Variants in PDE3A observed in about 807,000 individuals in gnomAD.
PDE3A encodes the protein phosphodiesterase 3A.
A neutral mutation model predicts 98.3 loss-of-function variants in PDE3A; 43 were observed. The ratio of observed to expected loss-of-function variants is 0.44; its 90% confidence interval spans 0.34 to 0.56. The LOEUF (loss-of-function observed/expected upper bound fraction) is 0.56. Among genes scored for constraint, PDE3A ranks in the 20% least tolerant of loss-of-function variants. PDE3A has a pLI of 0.01. For synonymous variants in PDE3A, 663 were observed against 567.9 expected (o/e 1.17, Z -2.38); for missense variants, 1,427 against 1,440.7 (o/e 0.99, Z 0.15).
intron 1 of PDE3A, among the ~76,000 whole-genome samples, chr12:20,494,027 A>G (rs1413885090): frequency 6.6e-6 from 1 of 152,222 alleles, no homozygotes; most frequent in African/African-American, 2.4e-5. Context: ...GACTATTTTC[A>G]GTATTTTACC....
rs116483424 is a variant in PDE3A at position 20,647,069 on chromosome 12, T to C, written c.2565+119T>C. 3,044 of 661,530 alleles carry C rather than the reference T, an allele frequency of 4.6e-3. 43 individuals are homozygous for C. Among genetic ancestry groups the C allele is most frequent in the African/African-American group, 0.037 (2,026 of 55,248 alleles). The allele number at this position is 661,530 out of a possible 1,614,324, so 41.0% of individuals were successfully genotyped here. On this transcript the variant is annotated intron_variant, in intron 12 of 15. Transcript: ENST00000359062. ...AAGCCAAACTATACATAGTCTTACG[T>C]TGAAATTCTCAGAGACCGTGCTAAT...
chr12:20,573,565 A>G (rs1942854611), intron 2 of PDE3A, among the ~76,000 whole-genome samples: 1 of 152,064 alleles, frequency 6.6e-6, no homozygotes, highest in African/African-American at 2.4e-5. Context: ...GGACAAACGC[A>G]AGAGGTAAGA....
At chr12:20,384,763 T>C (rs188624649) in intron 1 of PDE3A, among the ~76,000 whole-genome samples, 465 of 152,166 alleles carry the variant, frequency 3.1e-3, no homozygotes, top group African/African-American at 0.01. Flanking sequence ...CTCCCACTTA[T>C]AAGTGAAAAC....
chr12:20,579,463 C>G (rs1943015829), intron 2 of PDE3A, among the ~76,000 whole-genome samples: 1 of 152,098 alleles, frequency 6.6e-6, no homozygotes, highest in African/African-American at 2.4e-5. Context: ...TATACCTTGT[C>G]AAATACAGAT....
In PDE3A at chr12:20,639,975, G is replaced by T; in HGVS notation, c.2251+18G>T. On this transcript the variant is annotated intron_variant, in intron 10 of 15. Coordinates refer to ENST00000359062, the MANE Select transcript of PDE3A (RefSeq NM_000921.5). ...TATTCCTTGTAAGTATATGTGATTTGTGAAATAATACTTTTAAAATATGTC... is the reference window on the plus strand; with the variant it reads ...TATTCCTTGTAAGTATATGTGATTTTTGAAATAATACTTTTAAAATATGTC... 9.3e-7 allele frequency: 1 copy of T among 1,072,308 alleles called. No homozygotes were observed. The highest frequency in any genetic ancestry group is 1.4e-6 in the Non-Finnish European group (1 of 691,320). 66.4% of individuals were successfully genotyped at this position (1,072,308 alleles called of 1,614,324 possible). A position where few individuals can be genotyped will look rare whatever the true frequency, so the allele number is the denominator to read the frequency against.
At chr12:20,677,166 C>T (rs1945661970) in intron 15 of PDE3A, among the ~76,000 whole-genome samples, 1 of 152,014 alleles carries the variant, frequency 6.6e-6, no homozygotes. Context: ...TCAATGAATT[C>T]TTCATTCCAG....
intron 5 of PDE3A, among the ~76,000 whole-genome samples, chr12:20,627,190 CACAGTTT>C (rs1348512326): frequency 6.7e-6 from 1 of 149,550 alleles, no homozygotes. Context: ...TCCCAAAACT[CACAGTTT>C]ACTATGAGAA....
chr12:20,381,465 G>T (rs1530445), intron 1 of PDE3A, among the ~76,000 whole-genome samples: 3 of 151,540 alleles, frequency 2.0e-5, no homozygotes, highest in African/African-American at 4.8e-5. Flanking sequence ...AAACTAGAAC[G>T]CTTTATGATT....
intron 15 of PDE3A, among the ~76,000 whole-genome samples, chr12:20,659,821 C>T (rs572582071): frequency 6.6e-6 from 1 of 152,190 alleles, no homozygotes; most frequent in South Asian, 2.1e-4. Context: ...TTATTTTTAC[C>T]ACTTATCAAT....
At chr12:20,383,069 T>G (rs1287044142) in intron 1 of PDE3A, among the ~76,000 whole-genome samples, 1 of 151,932 alleles carries the variant, frequency 6.6e-6, no homozygotes, top group Admixed American at 6.6e-5. Flanking sequence ...GGACTTCAGA[T>G]GCTTCGGGTG....
chr12:20,386,276 T>G (rs1282336925), intron 1 of PDE3A, among the ~76,000 whole-genome samples: 69 of 133,608 alleles, frequency 5.2e-4, no homozygotes, highest in Middle Eastern at 3.6e-3. Flanking sequence ...TTATATTATA[T>G]TATAGTATAT....
rs11045392 is a variant in PDE3A, at chr12:20,687,905, T to C, written c.*7634T>C. Among the ~76,000 whole-genome samples, 73,853 of 123,550 alleles carry C rather than the reference T, an allele frequency of 0.6. 21,223 individuals are homozygous for C. The highest frequency in any genetic ancestry group is 0.76 in the East Asian group (3,339 of 4,388). The allele number at this position is 123,550 out of a possible 152,430, so 81.1% of individuals were successfully genotyped here. ...ATTTGTTCTGACCAGTCATTACCTCTTCCCAACAGAAAAAAAAAAAAAAAA... is the reference window on the plus strand; with the variant it reads ...ATTTGTTCTGACCAGTCATTACCTCCTCCCAACAGAAAAAAAAAAAAAAAA... On this transcript the variant is annotated 3_prime_UTR_variant, in exon 16 of 16. Coordinates refer to ENST00000359062, the MANE Select transcript of PDE3A (RefSeq NM_000921.5).
chr12:20,673,035 C>T (rs573068927), intron 15 of PDE3A, among the ~76,000 whole-genome samples: 258 of 151,614 alleles, frequency 1.7e-3, no homozygotes, highest in Non-Finnish European at 2.7e-3. Flanking sequence ...AAAAAGTGGG[C>T]GAAGGACATG....
intron 5 of PDE3A, among the ~76,000 whole-genome samples, chr12:20,626,538 C>T (rs1420576679): frequency 6.6e-6 from 1 of 152,058 alleles, no homozygotes; most frequent in African/African-American, 2.4e-5. Context: ...CTCTGTCGCC[C>T]AGGCTGGGGT....
chr12:20,635,088 C>T, intron 8 of PDE3A, 32 bp downstream of exon 8: 1 of 1,567,960 alleles, frequency 6.4e-7, no homozygotes, highest in Non-Finnish European at 8.7e-7. Context: ...CACTCATTTA[C>T]TTGAGAGATG....
intron 2 of PDE3A, among the ~76,000 whole-genome samples, chr12:20,574,699 T>A (rs529629313): frequency 1.3e-5 from 2 of 152,090 alleles, no homozygotes; most frequent in South Asian, 2.1e-4. Context: ...GGCCTTCTTT[T>A]CTCTGATCCT....
intron 1 of PDE3A, among the ~76,000 whole-genome samples, chr12:20,555,401 G>A (rs1040685489): frequency 2.0e-5 from 3 of 152,080 alleles, no homozygotes; most frequent in African/African-American, 7.2e-5. Context: ...AATTACTAAG[G>A]TCAAGTAAAT....
chr12:20,481,851 G>A (rs1945633713), intron 1 of PDE3A, among the ~76,000 whole-genome samples: 1 of 127,242 alleles, frequency 7.9e-6, no homozygotes, highest in African/African-American at 2.9e-5. Flanking sequence ...TGCAAGCTCC[G>A]CCTCCCGTGT....
chr12:20,388,845 G>C (rs1413806515), intron 1 of PDE3A, among the ~76,000 whole-genome samples: 1 of 151,952 alleles, frequency 6.6e-6, no homozygotes, highest in African/African-American at 2.4e-5. Flanking sequence ...GTTGTTGCTT[G>C]TTTGAATAAA....
Sources: gnomAD v4.1 joint callset for allele counts (sites outside exome capture counted in the v4.1 genomes callset) on GRCh38, gnomAD v4.1.1 for gene constraint, MANE v1.5 for transcripts, NCBI Gene and HGNC (gene_info 2026-07-23, HGNC 2026-07-21) for gene names.